Variants in PCDHGA4 observed in about 807,000 individuals in gnomAD.
PCDHGA4 encodes protocadherin gamma subfamily A, 4.
In PCDHGA4, 38 loss-of-function variants were observed where a neutral mutation model predicts 54.6. That is an observed-to-expected ratio of 0.70 (90% CI 0.54 to 0.91). The LOEUF (loss-of-function observed/expected upper bound fraction) is 0.91. Ranked by LOEUF, PCDHGA4 falls within the 40% of genes least tolerant of loss-of-function variation. The pLI is 0.00. For synonymous variants in PCDHGA4, 511 were observed against 512.9 expected, an observed-to-expected ratio of 1.00 and a Z score of 0.05; for missense variants, 1,298 against 1,220.9, an observed-to-expected ratio of 1.06 and a Z score of -0.94.
At chr5:141,370,339 ATTAT>A (rs1300420900) in intron 1 of PCDHGA4, 18 of 1,464,644 alleles carry the variant, frequency 1.2e-5, no homozygotes, top group Non-Finnish European at 1.7e-5. Flanking sequence ...AACTCTTGGG[ATTAT>A]TTAAAGATCT....
At chr5:141,360,285 C>A in intron 1 of PCDHGA4, 1 of 1,613,972 alleles carries the variant, frequency 6.2e-7, no homozygotes, top group Non-Finnish European at 8.5e-7. Context: ...TAGGAAACCT[C>A]GCCAAGGATC....
At chr5:141,402,067 A>G (rs2094221639) in intron 1 of PCDHGA4, among the ~76,000 whole-genome samples, 1 of 152,226 alleles carries the variant, frequency 6.6e-6, no homozygotes, top group Non-Finnish European at 1.5e-5. Flanking sequence ...TTAAAAAACT[A>G]AGCATTTTTG....
At position 141,511,130 on chromosome 5, in the gene PCDHGA4, G is replaced by A. The variant is rs777082914; in HGVS notation, c.2846G>A (p.Gly949Asp). ...GKRDGKAPAG[G>D]NGNKKKSGKK... ...CGGGATGGCAAGGCCCCAGCAGGTG[G>A]CAATGGCAACAAGAAGAAGTCGGGC... The change falls in exon 4 of 4, where the codon GGC (glycine) becomes GAC (aspartate). Residue 949 changes from glycine (G) to aspartate (D), a missense_variant. Coordinates refer to ENST00000571252, the MANE Select transcript of PCDHGA4 (RefSeq NM_018917.4). 6.2e-7 allele frequency: 1 copy of A among 1,614,210 alleles called. No homozygotes were observed. The highest frequency in any genetic ancestry group is 1.1e-5 in the South Asian group (1 of 91,090).
chr5:141,376,590 G>A (rs569935512), intron 1 of PCDHGA4: 9 of 1,570,160 alleles, frequency 5.7e-6, no homozygotes, highest in South Asian at 4.7e-5. Context: ...CAGCTAGATC[G>A]GCTGTTATAG....
At chr5:141,500,929 C>T (rs1347340945) in intron 2 of PCDHGA4, among the ~76,000 whole-genome samples, 2 of 151,210 alleles carry the variant, frequency 1.3e-5, no homozygotes, top group South Asian at 2.1e-4. Flanking sequence ...GGTGCAGTGG[C>T]GCCATCTCGG....
In PCDHGA4 at chr5:141,491,219, C is replaced by T; in HGVS notation, c.2515-3588C>T. ...GGTGACCCTTCACTCTCCTCCACAG[C>T]CACAGTGCTGCTGGTTCTGGAGGAT... is the stretch of plus-strand genomic sequence containing the variant. On this transcript the variant is annotated intron_variant, in intron 1 of 3. Coordinates refer to ENST00000571252, the MANE Select transcript of PCDHGA4 (RefSeq NM_018917.4). The surrounding 1 kb of genome is among the most constrained non-coding windows in gnomAD (Gnocchi z 6.9). 3 of 1,614,208 alleles carry T rather than the reference C, an allele frequency of 1.9e-6. No homozygotes were observed. The highest frequency in any genetic ancestry group is 2.5e-6 in the Non-Finnish European group (3 of 1,180,028).
chr5:141,423,233 TC>T, intron 1 of PCDHGA4: 1 of 1,613,860 alleles, frequency 6.2e-7, no homozygotes, highest in Non-Finnish European at 8.5e-7. Flanking sequence ...GCCGACAGCA[TC>T]CCCGAAGTCC....
chr5:141,444,565 C>G (rs2098441175), intron 1 of PCDHGA4, among the ~76,000 whole-genome samples: 1 of 152,124 alleles, frequency 6.6e-6, no homozygotes, highest in Non-Finnish European at 1.5e-5. Flanking sequence ...TTATTTGACA[C>G]TTTTGACTCT....
chr5:141,389,223 G>C lies in PCDHGA4; in HGVS notation c.2514+31602G>C, dbSNP rs570029585. 4 of 1,613,876 alleles carry C rather than the reference G, an allele frequency of 2.5e-6. No individual in the cohort carries two copies. Among genetic ancestry groups the C allele is most frequent in the South Asian group, 2.2e-5 (2 of 91,090 alleles). Reference sequence around the variant, plus strand: ...GCACATTGGTGATGTAAATGACAACGCTCCGGTTTTCTCACAGTCTTCCTA... The same window carrying C: ...GCACATTGGTGATGTAAATGACAACCCTCCGGTTTTCTCACAGTCTTCCTA... On this transcript the variant is annotated intron_variant, in intron 1 of 3. Coordinates refer to ENST00000571252, the MANE Select transcript of PCDHGA4 (RefSeq NM_018917.4).
intron 1 of PCDHGA4, among the ~76,000 whole-genome samples, chr5:141,462,030 T>C (rs1283795051): frequency 3.9e-5 from 6 of 152,122 alleles, no homozygotes; most frequent in Non-Finnish European, 8.8e-5. Flanking sequence ...TTCATGTTGG[T>C]CAGGCGGGTC....
intron 1 of PCDHGA4, chr5:141,360,507 G>A (rs1054504222): frequency 6.2e-7 from 1 of 1,613,916 alleles, no homozygotes; most frequent in African/African-American, 1.3e-5. Flanking sequence ...TAATTGTGCA[G>A]GATATAAATG....
At chr5:141,501,926 C>T (rs1388315216) in intron 2 of PCDHGA4, among the ~76,000 whole-genome samples, 1 of 152,126 alleles carries the variant, frequency 6.6e-6, no homozygotes, top group African/African-American at 2.4e-5. Flanking sequence ...AGCTTTGTTC[C>T]CTCAACACCA....
In PCDHGA4 at chr5:141,357,092, C is replaced by T. The variant is rs763316267; in HGVS notation, c.1985C>T (p.Ala662Val). 2.5e-5 allele frequency: 41 copies of T among 1,613,756 alleles called. No homozygotes were observed. In the East Asian group the frequency reaches 9.1e-4, roughly 36 times the overall value. ...LHTGEVRTAR[A>V]LLDRDALKQR... is the part of the protein sequence containing the mutation. ...ACAGGCGAGGTGCGCACCGCACGGG[C>T]CCTGCTGGACAGAGACGCGCTCAAG... is the stretch of plus-strand genomic sequence containing the variant. Residue 662 changes from alanine to valine, a missense_variant, in exon 1 of 4, where the codon GCC becomes GTC. Ala to Val is a moderately conservative substitution (Grantham distance 64, BLOSUM62 0). Coordinates refer to ENST00000571252, the MANE Select transcript of PCDHGA4 (RefSeq NM_018917.4).
intron 1 of PCDHGA4, chr5:141,388,545 C>G: frequency 6.2e-7 from 1 of 1,613,798 alleles, no homozygotes. Flanking sequence ...TGGAGCTCCA[C>G]CCCTAAGCAG....
chr5:141,484,374 T>C (rs1261372490), intron 1 of PCDHGA4, among the ~76,000 whole-genome samples: 1 of 152,186 alleles, frequency 6.6e-6, no homozygotes, highest in Non-Finnish European at 1.5e-5. Context: ...CACTAGCAAA[T>C]GTCTGAATAA....
intron 1 of PCDHGA4, among the ~76,000 whole-genome samples, chr5:141,463,393 C>CA (rs955461719): frequency 5.7e-5 from 8 of 140,804 alleles, no homozygotes; most frequent in Non-Finnish European, 7.6e-5. Flanking sequence ...TGTCTCCAGG[C>CA]AAAAAAAATG....
chr5:141,409,196 A>G (rs1197077093), intron 1 of PCDHGA4: 2 of 1,613,926 alleles, frequency 1.2e-6, no homozygotes, highest in Non-Finnish European at 1.7e-6. Flanking sequence ...TACCCAGTGT[A>G]AAGTAATCAT....
intron 1 of PCDHGA4, chr5:141,374,957 TTC>T (rs1770979960): frequency 6.2e-7 from 1 of 1,613,926 alleles, no homozygotes; most frequent in Non-Finnish European, 8.5e-7. Context: ...CTCACAAATT[TTC>T]TGTTTGAATG....
At chr5:141,382,657 C>T (rs1385150684) in intron 1 of PCDHGA4, 5 of 416,908 alleles carry the variant, frequency 1.2e-5, no homozygotes, top group Non-Finnish European at 2.1e-5. Flanking sequence ...AGTAAGGACT[C>T]ACAGCGCCGC....
Sources: gnomAD v4.1 joint callset for allele counts (sites outside exome capture counted in the v4.1 genomes callset) on GRCh38, gnomAD v4.1.1 for gene constraint, Gnocchi (gnomAD v3.1) non-coding constraint, MANE v1.5 for transcripts, NCBI Gene and HGNC (gene_info 2026-07-23, HGNC 2026-07-21) for gene names.